USP9Y: variants seen among roughly 807,000 people sequenced by gnomAD.
USP9Y encodes the protein ubiquitin specific peptidase 9 Y-linked, also known as ubiquitin carboxyl-terminal hydrolase 9Y.
In USP9Y, 41 loss-of-function variants were observed where a neutral mutation model predicts 53.1. The ratio of observed to expected loss-of-function variants is 0.77; its 90% CI spans 0.60 to 1.00. The LOEUF is 1.00. Among genes scored for constraint, USP9Y ranks in the 50% least tolerant of loss-of-function variants. USP9Y has a pLI of 0.00. For missense variants in USP9Y, 567 were observed against 535.8 expected (o/e 1.06, Z -0.58); for synonymous variants, 220 against 173.7 (o/e 1.27, Z -2.09).
chrY:12,819,276 A>G (rs2053538893), intron 33 of USP9Y, among the ~76,000 whole-genome samples: 1 of 34,184 alleles, frequency 2.9e-5, no homozygotes, highest in African/African-American at 1.1e-4. Context: ...TTTTATCTAT[A>G]TAGATTTTTT....
chrY:12,711,958 T>G, intron 3 of USP9Y, among the ~76,000 whole-genome samples: 1 of 33,822 alleles, frequency 3.0e-5, no homozygotes, highest in Non-Finnish European at 7.3e-5. Context: ...CTCACGTTAT[T>G]TAGAAGTGTG....
At chrY:12,804,529 G>A in intron 27 of USP9Y, among the ~76,000 whole-genome samples, 2 of 33,573 alleles carry the variant, frequency 6.0e-5, no homozygotes, top group African/African-American at 2.3e-4. Flanking sequence ...AGCATTTCTC[G>A]AAGGGTAATC....
At chrY:12,715,427 T>G in intron 3 of USP9Y, among the ~76,000 whole-genome samples, 2 of 30,436 alleles carry the variant, frequency 6.6e-5, no homozygotes, top group Non-Finnish European at 1.6e-4. Context: ...CAAGCAATTC[T>G]CTGCCTCAGC....
At chrY:12,712,548 C>T (rs2053425839) in intron 3 of USP9Y, among the ~76,000 whole-genome samples, 1 of 33,012 alleles carries the variant, frequency 3.0e-5, no homozygotes. Context: ...TAATCTACAT[C>T]TTTATATTTA....
rs987164715 is a variant in USP9Y at position 12,750,759 on chromosome Y, T to C, written c.1423-6433T>C. Among the ~76,000 whole-genome samples the C allele has an allele frequency of 9.0e-5, 3 of 33,402 alleles. No homozygotes were observed. The East Asian group carries it at 2.3e-3, about 26-fold the overall frequency. 89.6% of individuals were successfully genotyped at this position (33,402 alleles called of 37,273 possible). A position where few individuals can be genotyped will look rare whatever the true frequency, so the allele number is the denominator to read the frequency against. ...TCTTGGTGTATAATCTTTTTTTATA[T>C]GTGTTGCTTCTTAAACTGCAATAAA... On this transcript the variant is annotated intron_variant, in intron 12 of 45. Transcript: ENST00000338981.
At chrY:12,729,018 G>A (rs972190802) in intron 7 of USP9Y, among the ~76,000 whole-genome samples, 1 of 33,619 alleles carries the variant, frequency 3.0e-5, no homozygotes, top group Non-Finnish European at 7.4e-5. Flanking sequence ...CTGTGCCTCA[G>A]CCTCCATAGC....
At position 12,744,030 on chromosome Y, in the gene USP9Y, GT is replaced by G. The variant is rs751145948; in HGVS notation, c.1422+4402del. Among the ~76,000 whole-genome samples the G allele has an allele frequency of 5.7e-4, 19 of 33,547 alleles. No individual in the cohort carries two copies. The East Asian group carries it at 0.015, about 26-fold the overall frequency. The allele number at this position is 33,547 out of a possible 37,273, so 90.0% of individuals were successfully genotyped here. On this transcript the variant is annotated intron_variant, in intron 12 of 45. Coordinates refer to ENST00000338981, the MANE Select transcript of USP9Y (RefSeq NM_004654.4). ...TTATTGTAGCATTTTCTCATTTTCT[GT>G]ATCAGTACCCCATGTTCTTTGTCCT...
chrY:12,855,502 G>A (rs2053575171), intron 42 of USP9Y, among the ~76,000 whole-genome samples: 1 of 33,255 alleles, frequency 3.0e-5, no homozygotes, highest in African/African-American at 1.2e-4. Context: ...GTGAGCCACC[G>A]CGCCCAGCCT....
intron 33 of USP9Y, among the ~76,000 whole-genome samples, chrY:12,831,706 A>T: frequency 3.0e-5 from 1 of 33,393 alleles, no homozygotes; most frequent in Admixed American, 2.7e-4. Flanking sequence ...CCAAGATTGC[A>T]CCACTGCTCT....
At chrY:12,798,046 C>A (rs2053515256) in intron 27 of USP9Y, among the ~76,000 whole-genome samples, 1 of 28,969 alleles carries the variant, frequency 3.5e-5, no homozygotes. Context: ...TCCTTCCCTT[C>A]CCCTTCCCTT....
chrY:12,837,805 A>G, intron 34 of USP9Y, 106 bp from the exon 35 acceptor site: 2 of 165,803 alleles, frequency 1.2e-5, no homozygotes, highest in Non-Finnish European at 2.1e-5. Flanking sequence ...TGATTGTGCC[A>G]CTGCACGCCA....
rs112373496 is a variant in USP9Y at position 12,720,674 on chromosome Y, A to G, written c.182A>G (p.His61Arg). 4 of 398,330 alleles carry G rather than the reference A, an allele frequency of 1.0e-5. No homozygotes were observed. The highest frequency in any genetic ancestry group is 1.4e-5 in the Non-Finnish European group (4 of 283,115). The change falls in exon 4 of 46, where the codon CAT becomes CGT. Residue 61 changes from histidine to arginine, a missense_variant. Coordinates refer to ENST00000338981, the MANE Select transcript of USP9Y (RefSeq NM_004654.4). ...GGGCAAGGTGATGCCCCACCACAGC[A>G]TGAAGATGAAGAGCCTGCATTTCCA... ...EQGQGDAPPQHEDEEPAFPHT... is the reference protein window; with the variant it reads ...EQGQGDAPPQREDEEPAFPHT...
chrY:12,757,092 A>G, intron 12 of USP9Y, 100 bp from the exon 13 acceptor site: 1 of 251,497 alleles, frequency 4.0e-6, no homozygotes, highest in Non-Finnish European at 6.4e-6. Context: ...CCCTGTGTGT[A>G]TGTGATGAAT....
At chrY:12,846,846 A>G in intron 40 of USP9Y, 87 bp from the exon 41 acceptor site, 4 of 246,592 alleles carry the variant, frequency 1.6e-5, no homozygotes, top group South Asian at 1.5e-4. Context: ...ATTTAAAATC[A>G]GATTGTATTT....
chrY:12,772,562 C>G (rs2053486758), intron 16 of USP9Y, among the ~76,000 whole-genome samples: 1 of 30,869 alleles, frequency 3.2e-5, no homozygotes, highest in Non-Finnish European at 7.8e-5. Flanking sequence ...GTCAGGAGTT[C>G]AAGATCAGCC....
Position 12,726,783 on chromosome Y carries a change from G to A in USP9Y, c.647G>A (p.Arg216Gln). Residue 216 changes from arginine (R) to glutamine (Q), a missense_variant, in exon 7 of 46, where the codon CGA becomes CAA. By Grantham distance (43) the Arg-to-Gln change is conservative. Coordinates refer to ENST00000338981, the MANE Select transcript of USP9Y (RefSeq NM_004654.4). ...DELFARSSDPRSPKGWLVDLI... is the reference protein window; with the variant it reads ...DELFARSSDPQSPKGWLVDLI... ...TTATTTGCTCGTTCTTCAGATCCTC[G>A]ATCACCAAAAGTGCGTTGGTTTGTT... The A allele has an allele frequency of 1.5e-5, 6 of 396,850 alleles. No homozygotes were observed. The highest frequency in any genetic ancestry group is 1.8e-5 in the Non-Finnish European group (5 of 281,793).
chrY:12,806,696 A>T, intron 27 of USP9Y, among the ~76,000 whole-genome samples: 1 of 33,712 alleles, frequency 3.0e-5, no homozygotes, highest in Non-Finnish European at 7.3e-5. Context: ...TTTTTCTATT[A>T]ACATTTTGTT....
chrY:12,779,223 T>A (rs780858319), intron 21 of USP9Y, among the ~76,000 whole-genome samples: 6 of 32,799 alleles, frequency 1.8e-4, no homozygotes, highest in Admixed American at 1.7e-3. Flanking sequence ...AGGTGCCTTT[T>A]GTATAATCAG....
chrY:12,802,633 A>G (rs775329776), intron 27 of USP9Y: 4 of 33,987 alleles, frequency 1.2e-4, no homozygotes, highest in Admixed American at 5.2e-4. Flanking sequence ...TCACCACAGT[A>G]TCTCAGTATC....
Sources: gnomAD v4.1 joint callset for allele counts (sites outside exome capture counted in the v4.1 genomes callset) on GRCh38, gnomAD v4.1.1 for gene constraint, MANE v1.5 for transcripts, NCBI Gene and HGNC (gene_info 2026-07-23, HGNC 2026-07-21) for gene names.